Variants in NAPB observed in about 807,000 individuals in gnomAD.
NAPB encodes beta-soluble NSF attachment protein.
A neutral mutation model predicts 44.7 loss-of-function variants in NAPB; 26 were observed. The ratio of observed to expected loss-of-function variants is 0.58; its 90% confidence interval spans 0.43 to 0.81. The LOEUF (loss-of-function observed/expected upper bound fraction) is 0.81, where lower values mean the gene tolerates loss of function less well. Ranked by LOEUF, NAPB falls within the 30% of genes least tolerant of loss-of-function variation. The pLI is 0.00. For synonymous variants in NAPB, 120 were observed against 116.8 expected (o/e 1.03, Z -0.18); for missense variants, 315 against 356.4 (o/e 0.88, Z 0.94).
At chr20:23,413,445 T>A (rs1985792904) in intron 1 of NAPB, among the ~76,000 whole-genome samples, 1 of 151,708 alleles carries the variant, frequency 6.6e-6, no homozygotes, top group Non-Finnish European at 1.5e-5. Flanking sequence ...ATGAAAACAG[T>A]GAATAAACAC....
At chr20:23,415,734 A>G (rs1225376207) in intron 1 of NAPB, among the ~76,000 whole-genome samples, 1 of 152,186 alleles carries the variant, frequency 6.6e-6, no homozygotes, top group African/African-American at 2.4e-5. Context: ...GGCTGAGGTC[A>G]GCAGAGCAGA....
intron 5 of NAPB, among the ~76,000 whole-genome samples, chr20:23,392,302 T>C (rs1039789246): frequency 6.6e-6 from 1 of 152,174 alleles, no homozygotes; most frequent in African/African-American, 2.4e-5. Context: ...ACTATTTCTG[T>C]GTGTGACTAA....
At chr20:23,377,903 A>G (rs1403999635) in intron 10 of NAPB, among the ~76,000 whole-genome samples, 1 of 152,202 alleles carries the variant, frequency 6.6e-6, no homozygotes, top group Non-Finnish European at 1.5e-5. Context: ...CATTACCCAA[A>G]AATAAAATTA....
At position 23,421,434 on chromosome 20, in the gene NAPB, G is replaced by A. The variant is rs766744723; in HGVS notation, c.-32C>T. ...CGCCGCGGCCGCCACAGCCCCCTCA[G>A]CCGGCTCGCTGTGCGCCCAGGCGCC... On this transcript the variant is annotated 5_prime_UTR_variant, in exon 1 of 11. Transcript: ENST00000377026. 7.2e-6 allele frequency: 11 copies of A among 1,533,296 alleles called. No homozygotes were observed. Among genetic ancestry groups the A allele is most frequent in the African/African-American group, 7.0e-5 (5 of 71,360 alleles). The allele number at this position is 1,533,296 out of a possible 1,614,324, so 95.0% of individuals were successfully genotyped here.
chr20:23,401,568 T>C (rs1175184292), intron 2 of NAPB, among the ~76,000 whole-genome samples: 1 of 152,124 alleles, frequency 6.6e-6, no homozygotes, highest in Non-Finnish European at 1.5e-5. Flanking sequence ...GAATACCTCA[T>C]CACCAGATAC....
rs766478039 is a variant in NAPB, at chr20:23,379,447, C to T, written c.784G>A (p.Ala262Thr). ...EEQNSEAYTE[A>T]VKEFDSISRL... The stretch of plus-strand genomic sequence containing the variant: ...CATGTCCCAAAAGCATAACTTACTG[C>T]TTCAGTGTAAGCTTCACTGTTCTGT... Residue 262 changes from alanine to threonine, a missense_variant and splice_region_variant, in exon 10 of 11, where the codon GCA (alanine) becomes ACA (threonine). Transcript: ENST00000377026. 2 of 1,599,650 alleles carry T rather than the reference C, an allele frequency of 1.3e-6. No homozygotes were observed. Among genetic ancestry groups the T allele is most frequent in the South Asian group, 2.3e-5 (2 of 87,734 alleles).
intron 7 of NAPB, 108 bp downstream of exon 7, chr20:23,389,838 C>T: frequency 2.3e-6 from 2 of 886,002 alleles, no homozygotes; most frequent in South Asian, 1.6e-5. Flanking sequence ...CTGAACTGTA[C>T]TCATTACGTG....
chr20:23,421,428 C>G lies in NAPB; in HGVS notation c.-26G>C, dbSNP rs1398366230. ...GTCGCCCGCCGCGGCCGCCACAGCCCCCTCAGCCGGCTCGCTGTGCGCCCA... is the reference window on the plus strand; with the variant it reads ...GTCGCCCGCCGCGGCCGCCACAGCCGCCTCAGCCGGCTCGCTGTGCGCCCA... On this transcript the variant is annotated 5_prime_UTR_variant, in exon 1 of 11. Coordinates refer to ENST00000377026, the MANE Select transcript of NAPB (RefSeq NM_022080.3). The G allele has an allele frequency of 6.5e-7, 1 of 1,538,804 alleles. No individual in the cohort carries two copies. Among genetic ancestry groups the G allele is most frequent in the Admixed American group, 2.0e-5 (1 of 50,380 alleles).
intron 1 of NAPB, among the ~76,000 whole-genome samples, chr20:23,414,259 T>C (rs976805121): frequency 4.6e-5 from 7 of 152,112 alleles, no homozygotes; most frequent in Non-Finnish European, 7.4e-5. Flanking sequence ...GAGGCGGAGG[T>C]TGCAGTGAGT....
chr20:23,421,227 T>G (rs1218324414), intron 1 of NAPB, 78 bp downstream of exon 1: 1 of 1,294,794 alleles, frequency 7.7e-7, no homozygotes, highest in Non-Finnish European at 1.1e-6. Context: ...CGTGGGGGAC[T>G]CGGGGGGTCA....
chr20:23,421,154 G>A (rs1986393717), intron 1 of NAPB, 151 bp downstream of exon 1: 1 of 605,066 alleles, frequency 1.7e-6, no homozygotes, highest in African/African-American at 2.0e-5. Context: ...GACCCTACAG[G>A]ATTTCTGGAG....
chr20:23,393,193 C>A (rs1316849803), intron 5 of NAPB, among the ~76,000 whole-genome samples: 1 of 152,280 alleles, frequency 6.6e-6, no homozygotes, highest in East Asian at 1.9e-4. Context: ...CCATCACCTG[C>A]CTCCAGGATC....
At chr20:23,402,955 C>T in intron 2 of NAPB, 38 bp downstream of exon 2, 1 of 1,506,124 alleles carries the variant, frequency 6.6e-7, no homozygotes, top group Non-Finnish European at 9.2e-7. Flanking sequence ...TGATTTTAAA[C>T]CATTTGCCTA....
intron 1 of NAPB, among the ~76,000 whole-genome samples, chr20:23,417,087 T>TC (rs1488029890): frequency 1.3e-5 from 2 of 150,786 alleles, no homozygotes; most frequent in East Asian, 3.9e-4. Context: ...GGCATTCTTT[T>TC]TTTTTTTTTT....
chr20:23,376,668 T>C lies in NAPB; in HGVS notation c.*708A>G, dbSNP rs1162129925. On this transcript the variant is annotated 3_prime_UTR_variant, in exon 11 of 11. Coordinates refer to ENST00000377026, the MANE Select transcript of NAPB (RefSeq NM_022080.3). Reference sequence around the variant, plus strand: ...AGAGAAAAATTCCATTTCTAACAGATCTTGTGATATGTGTGTGTGTGTAAA... The same window carrying C: ...AGAGAAAAATTCCATTTCTAACAGACCTTGTGATATGTGTGTGTGTGTAAA... 2 of 152,194 alleles carry C rather than the reference T, an allele frequency of 1.3e-5. No individual in the cohort carries two copies. The highest frequency in any genetic ancestry group is 3.8e-4 in the East Asian group (2 of 5,196). 9.4% of individuals were successfully genotyped at this position (152,194 alleles called of 1,614,324 possible).
intron 10 of NAPB, among the ~76,000 whole-genome samples, chr20:23,378,603 G>A (rs1982720977): frequency 6.7e-6 from 1 of 149,272 alleles, no homozygotes; most frequent in African/African-American, 2.4e-5. Context: ...CACCATGCCT[G>A]GCTAATTTTT....
chr20:23,410,984 T>C (rs1291867291), intron 1 of NAPB, among the ~76,000 whole-genome samples: 1 of 152,078 alleles, frequency 6.6e-6, no homozygotes, highest in Non-Finnish European at 1.5e-5. Flanking sequence ...TGTTATAGCA[T>C]ACCTAAGGGG....
chr20:23,421,283 G>A (rs1457652254), intron 1 of NAPB, 22 bp downstream of exon 1: 6 of 1,519,236 alleles, frequency 3.9e-6, no homozygotes, highest in Non-Finnish European at 5.3e-6. Context: ...CCCCCCCAGG[G>A]CACGCACGGT....
At chr20:23,387,441 T>C (rs1472301503) in intron 7 of NAPB, among the ~76,000 whole-genome samples, 1 of 152,058 alleles carries the variant, frequency 6.6e-6, no homozygotes, top group East Asian at 1.9e-4. Flanking sequence ...GAGGAAGAAG[T>C]AAAACTATTG....
Sources: gnomAD v4.1 joint callset for allele counts (sites outside exome capture counted in the v4.1 genomes callset) on GRCh38, gnomAD v4.1.1 for gene constraint, MANE v1.5 for transcripts, NCBI Gene and HGNC (gene_info 2026-07-23, HGNC 2026-07-21) for gene names.